The following DLGAP2 variants were observed in gnomAD, a reference collection of about 807,000 sequenced individuals.
DLGAP2 encodes DLG associated protein 2.
DLGAP2 carries 26 observed loss-of-function variants against 100.3 expected under a neutral mutation model. The observed-to-expected ratio is 0.26, with a 90% CI of 0.19 to 0.36. DLGAP2 has a LOEUF of 0.36. Ranked by LOEUF, DLGAP2 falls within the 10% of genes least tolerant of loss-of-function variation. The pLI is 1.00. For missense variants in DLGAP2, 1,858 were observed against 1,453.2 expected (o/e 1.28, Z -4.53); for synonymous variants, 886 against 630.1 (o/e 1.41, Z -6.08).
chr8:904,274 C>G (rs1798328653), intron 1 of DLGAP2, among the ~76,000 whole-genome samples: 1 of 152,120 alleles, frequency 6.6e-6, no homozygotes, highest in South Asian at 2.1e-4. Context: ...AATCCCAGCA[C>G]TTTGGGAGGC....
chr8:1,429,139 T>C lies in DLGAP2; in HGVS notation c.107-72227T>C, dbSNP rs550759777. Reference sequence around the variant, plus strand: ...ACAAAACAAAACATGTTGGATTAGTTTGAAAAATCCCTACTTAGAGTTAAT... The same window carrying C: ...ACAAAACAAAACATGTTGGATTAGTCTGAAAAATCCCTACTTAGAGTTAAT... On this transcript the variant is annotated intron_variant, in intron 3 of 14. Coordinates refer to ENST00000637795, the MANE Select transcript of DLGAP2 (RefSeq NM_001346810.2). Among the ~76,000 whole-genome samples, 14 of 152,300 alleles carry C rather than the reference T, an allele frequency of 9.2e-5. No homozygotes were observed. The South Asian group carries it at 2.3e-3, about 25-fold the overall frequency.
At chr8:1,018,485 C>T (rs2129023640) in intron 2 of DLGAP2, among the ~76,000 whole-genome samples, 2 of 152,344 alleles carry the variant, frequency 1.3e-5, no homozygotes, top group African/African-American at 4.8e-5. Flanking sequence ...CTCAGCCAGG[C>T]CTGCCCTGCT....
rs376388202 is a variant in DLGAP2 at position 1,678,254 on chromosome 8, G to A, written c.2329G>A (p.Val777Ile). 1.5e-5 allele frequency: 25 copies of A among 1,613,598 alleles called. No homozygotes were observed. The highest frequency in any genetic ancestry group is 4.5e-5 in the East Asian group (2 of 44,878). ...FKRSNSVTAA[V>I]QADLELEGFP... Reference sequence around the variant, plus strand: ...ACGTTCTAACAGCGTCACGGCCGCCGTCCAAGCTGACCTGGAGCTGGAGGG... The same window carrying A: ...ACGTTCTAACAGCGTCACGGCCGCCATCCAAGCTGACCTGGAGCTGGAGGG... The change falls in exon 12 of 15, where the codon GTC (valine) becomes ATC (isoleucine). Residue 777 changes from valine (V) to isoleucine (I), a missense_variant. Val to Ile is a conservative substitution (Grantham distance 29). Coordinates refer to ENST00000637795, the MANE Select transcript of DLGAP2 (RefSeq NM_001346810.2).
intron 4 of DLGAP2, among the ~76,000 whole-genome samples, chr8:1,521,997 TAA>T (rs1800616646): frequency 4.7e-5 from 7 of 149,254 alleles, no homozygotes; most frequent in African/African-American, 1.7e-4. Flanking sequence ...ACACTTGTTT[TAA>T]TTTGGAATAC....
intron 1 of DLGAP2, among the ~76,000 whole-genome samples, chr8:806,100 C>T (rs921985885): frequency 6.6e-6 from 1 of 152,202 alleles, no homozygotes; most frequent in Non-Finnish European, 1.5e-5. Context: ...TGTCAGTTAT[C>T]AGCTTAAGAC....
intron 3 of DLGAP2, among the ~76,000 whole-genome samples, chr8:1,330,390 C>A (rs543031108): frequency 4.2e-5 from 6 of 142,010 alleles, no homozygotes; most frequent in African/African-American, 1.6e-4. Flanking sequence ...AGCACCTCTT[C>A]ACAGGGACTA....
chr8:1,467,458 C>A (rs1401756854), intron 3 of DLGAP2, among the ~76,000 whole-genome samples: 1 of 151,728 alleles, frequency 6.6e-6, no homozygotes, highest in Non-Finnish European at 1.5e-5. Context: ...ACCAAGAGGC[C>A]CCCTCACTAG....
At chr8:1,492,821 C>A (rs112860651) in intron 3 of DLGAP2, among the ~76,000 whole-genome samples, 3 of 152,206 alleles carry the variant, frequency 2.0e-5, no homozygotes, top group Non-Finnish European at 4.4e-5. Flanking sequence ...GGGCTGTGTA[C>A]GACCACGGAG....
Position 818,104 on chromosome 8 carries a change from G to C in DLGAP2, c.18+80279G>C, listed in dbSNP as rs561541339. 2.5e-4 allele frequency among the ~76,000 whole-genome samples: 38 copies of C among 152,284 alleles called. No individual in the cohort carries two copies. In the East Asian group the frequency reaches 6.2e-3, roughly 25 times the overall value. On this transcript the variant is annotated intron_variant, in intron 1 of 14. Transcript: ENST00000637795. Reference sequence around the variant, plus strand: ...TGTTTCAGGTACCAGGGTGGGTAGAGAAAGACCACCAGGTGAGGGGCAGGG... The same window carrying C: ...TGTTTCAGGTACCAGGGTGGGTAGACAAAGACCACCAGGTGAGGGGCAGGG...
At chr8:1,651,955 G>A (rs573805193) in intron 8 of DLGAP2, among the ~76,000 whole-genome samples, 3 of 152,294 alleles carry the variant, frequency 2.0e-5, no homozygotes, top group South Asian at 2.1e-4. Flanking sequence ...CGTCAGAGCC[G>A]GGCTGGGCAG....
At chr8:1,614,765 G>A (rs2130740377) in intron 6 of DLGAP2, among the ~76,000 whole-genome samples, 1 of 152,326 alleles carries the variant, frequency 6.6e-6, no homozygotes, top group East Asian at 1.9e-4. Context: ...CTGGCTCTGG[G>A]ATAATAACTT....
At chr8:1,332,129 G>A (rs1280174318) in intron 3 of DLGAP2, among the ~76,000 whole-genome samples, 1 of 152,222 alleles carries the variant, frequency 6.6e-6, no homozygotes, top group Non-Finnish European at 1.5e-5. Context: ...CAGTCAATGT[G>A]TCCTGGTGTA....
chr8:1,332,549 A>T (rs928510427), intron 3 of DLGAP2, among the ~76,000 whole-genome samples: 1 of 152,172 alleles, frequency 6.6e-6, no homozygotes, highest in Non-Finnish European at 1.5e-5. Flanking sequence ...CTACAGATGC[A>T]CACACACTTG....
At chr8:885,668 A>G (rs899419584) in intron 1 of DLGAP2, among the ~76,000 whole-genome samples, 2 of 152,178 alleles carry the variant, frequency 1.3e-5, no homozygotes, top group African/African-American at 2.4e-5. Context: ...TTTGAATAAG[A>G]GTGATGAGAG....
chr8:932,789 A>G (rs540482092), intron 2 of DLGAP2, among the ~76,000 whole-genome samples: 2 of 152,276 alleles, frequency 1.3e-5, no homozygotes, highest in South Asian at 2.1e-4. Context: ...ACTTTTCTAT[A>G]TGTCTGAAAT....
At chr8:1,184,756 A>G (rs918823877) in intron 2 of DLGAP2, among the ~76,000 whole-genome samples, 16 of 152,148 alleles carry the variant, frequency 1.1e-4, no homozygotes, top group Middle Eastern at 3.4e-3. Flanking sequence ...CCGGGAGGCA[A>G]GCATGCTGGT....
At chr8:1,044,742 G>A (rs1802470016) in intron 2 of DLGAP2, among the ~76,000 whole-genome samples, 1 of 152,202 alleles carries the variant, frequency 6.6e-6, no homozygotes, top group Admixed American at 6.5e-5. Context: ...AGCTCCCTGT[G>A]TCTGTGCCTG....
chr8:768,372 T>C (rs775674979), intron 1 of DLGAP2, among the ~76,000 whole-genome samples: 3 of 151,880 alleles, frequency 2.0e-5, no homozygotes, highest in Non-Finnish European at 2.9e-5. Flanking sequence ...AGCTTTTCGC[T>C]GTGGGCTTGT....
intron 6 of DLGAP2, among the ~76,000 whole-genome samples, chr8:1,585,095 T>G (rs956023171): frequency 2.0e-5 from 3 of 152,194 alleles, no homozygotes; most frequent in African/African-American, 7.2e-5. Context: ...GTTTTTGGCC[T>G]GCTACAACTG....
Sources: gnomAD v4.1 joint callset for allele counts (sites outside exome capture counted in the v4.1 genomes callset) on GRCh38, gnomAD v4.1.1 for gene constraint, MANE v1.5 for transcripts, NCBI Gene and HGNC (gene_info 2026-07-23, HGNC 2026-07-21) for gene names.